CHCHD6: variants seen among roughly 807,000 people sequenced by gnomAD.
CHCHD6 encodes MICOS complex subunit MIC25.
A neutral mutation model predicts 32.3 loss-of-function variants in CHCHD6; 28 were observed. The observed-to-expected ratio is 0.87, with a 90% CI of 0.64 to 1.19. The LOEUF is 1.19. Ranked by LOEUF, CHCHD6 falls within the 50% of genes most tolerant of loss-of-function variation. The pLI is 0.00. For missense variants in CHCHD6, 333 were observed against 307.0 expected, an observed-to-expected ratio of 1.08 and a Z score of -0.63; for synonymous variants, 122 against 117.5, an observed-to-expected ratio of 1.04 and a Z score of -0.25.
chr3:126,895,495 G>A (rs1281801640), intron 5 of CHCHD6, among the ~76,000 whole-genome samples: 2 of 152,318 alleles, frequency 1.3e-5, no homozygotes, highest in East Asian at 1.9e-4. Context: ...TTAAAGTTGA[G>A]TTCACAAGAT....
chr3:126,736,792 C>G (rs1936064311), intron 4 of CHCHD6, among the ~76,000 whole-genome samples: 1 of 152,042 alleles, frequency 6.6e-6, no homozygotes. Flanking sequence ...GTGTTTCTCC[C>G]TCTGAGTTGA....
chr3:126,716,086 C>T (rs895846839), intron 1 of CHCHD6, among the ~76,000 whole-genome samples: 5 of 152,180 alleles, frequency 3.3e-5, no homozygotes, highest in African/African-American at 1.2e-4. Flanking sequence ...TTCAGTCCCT[C>T]CTCCTGCTTT....
Position 126,919,350 on chromosome 3 carries a change from G to C in CHCHD6, c.566+4600G>C, listed in dbSNP as rs190995860. On this transcript the variant is annotated intron_variant, in intron 6 of 7. Coordinates refer to ENST00000290913, the MANE Select transcript of CHCHD6 (RefSeq NM_032343.3). ...TTTTTTTTTGAGACAAGGTCTCACT[G>C]TCACCCAGGCTGCAGTACAGTAACA... Among the ~76,000 whole-genome samples the C allele has an allele frequency of 3.1e-3, 398 of 126,660 alleles. 3 individuals carry two copies. Among genetic ancestry groups the C allele is most frequent in the African/African-American group, 0.011 (378 of 33,000 alleles). 83.1% of individuals were successfully genotyped at this position (126,660 alleles called of 152,430 possible).
intron 5 of CHCHD6, among the ~76,000 whole-genome samples, chr3:126,910,993 C>T (rs893443891): frequency 6.6e-6 from 1 of 152,180 alleles, no homozygotes; most frequent in African/African-American, 2.4e-5. Flanking sequence ...ATTCACCACA[C>T]ACCCTCCATG....
At chr3:126,813,173 A>G (rs1250246094) in intron 4 of CHCHD6, among the ~76,000 whole-genome samples, 1 of 152,064 alleles carries the variant, frequency 6.6e-6, no homozygotes, top group Non-Finnish European at 1.5e-5. Context: ...TCAGATCTTC[A>G]TTTTGCCTTT....
chr3:126,892,105 C>A (rs572868063), intron 5 of CHCHD6, among the ~76,000 whole-genome samples: 2 of 152,176 alleles, frequency 1.3e-5, no homozygotes, highest in East Asian at 3.9e-4. Flanking sequence ...AAAACCTCGG[C>A]TCTGAGCAAG....
intron 1 of CHCHD6, among the ~76,000 whole-genome samples, chr3:126,724,001 C>T (rs1935426806): frequency 1.3e-5 from 2 of 152,184 alleles, no homozygotes; most frequent in Admixed American, 1.3e-4. Context: ...TGTTTTATGA[C>T]ACCCTTAGGC....
chr3:126,766,286 G>A, intron 4 of CHCHD6: 1 of 315,646 alleles, frequency 3.2e-6, no homozygotes. Flanking sequence ...TGGATCACTT[G>A]TAAAATGGAA....
At chr3:126,711,795 C>T (rs1234592850) in intron 1 of CHCHD6, among the ~76,000 whole-genome samples, 1 of 152,204 alleles carries the variant, frequency 6.6e-6, no homozygotes, top group Non-Finnish European at 1.5e-5. Flanking sequence ...TCAGGAATTG[C>T]CAGCTTGGAA....
At chr3:126,794,836 G>A (rs1410672854) in intron 4 of CHCHD6, among the ~76,000 whole-genome samples, 2 of 152,142 alleles carry the variant, frequency 1.3e-5, no homozygotes, top group Non-Finnish European at 2.9e-5. Flanking sequence ...GGGGGACAGT[G>A]TATACTAATC....
intron 6 of CHCHD6, among the ~76,000 whole-genome samples, chr3:126,934,242 G>C (rs6776903): frequency 1.8e-4 from 27 of 152,284 alleles, no homozygotes; most frequent in African/African-American, 5.8e-4. Context: ...TGGTTATCTG[G>C]GTTCTTTGAA....
intron 4 of CHCHD6, among the ~76,000 whole-genome samples, chr3:126,808,729 G>A (rs1384961668): frequency 2.0e-5 from 3 of 152,102 alleles, no homozygotes; most frequent in African/African-American, 7.2e-5. Context: ...GCCAAATCAG[G>A]ACTGTAAAGT....
chr3:126,944,285 C>T (rs2078603723), intron 6 of CHCHD6, among the ~76,000 whole-genome samples: 1 of 152,268 alleles, frequency 6.6e-6, no homozygotes, highest in African/African-American at 2.4e-5. Context: ...GGCCCCAGGT[C>T]AGACTGCACA....
chr3:126,784,858 A>G (rs757346251), intron 4 of CHCHD6, among the ~76,000 whole-genome samples: 7 of 151,784 alleles, frequency 4.6e-5, no homozygotes, highest in Non-Finnish European at 8.8e-5. Flanking sequence ...ACCAATTGTC[A>G]TTCCTTTTGC....
Position 126,730,591 on chromosome 3 carries a change from G to A in CHCHD6, c.227G>A (p.Gly76Asp). 1 of 1,613,850 alleles carries A rather than the reference G, an allele frequency of 6.2e-7. No homozygotes were observed. The highest frequency in any genetic ancestry group is 8.5e-7 in the Non-Finnish European group (1 of 1,179,906). Residue 76 changes from glycine (G) to aspartate (D), a missense_variant, in exon 3 of 8, where the codon GGT becomes GAT. Gly to Asp is a moderately conservative substitution (Grantham distance 94, BLOSUM62 -1). Transcript: ENST00000290913. ...ESTLPRSGSSGGQQPSGMKEG... is the reference protein window; with the variant it reads ...ESTLPRSGSSDGQQPSGMKEG... ...ACACTGCCCAGGTCGGGGAGCAGTG[G>A]TGGCCAGCAGCCCTCAGGGATGAAG...
chr3:126,823,169 G>A (rs578089922), intron 4 of CHCHD6, among the ~76,000 whole-genome samples: 5 of 151,110 alleles, frequency 3.3e-5, no homozygotes, highest in South Asian at 2.1e-4. Flanking sequence ...CTCCCACCTC[G>A]GCCTCACAAA....
chr3:126,729,864 G>T (rs1382693045), intron 2 of CHCHD6, among the ~76,000 whole-genome samples: 2 of 152,198 alleles, frequency 1.3e-5, no homozygotes, highest in Non-Finnish European at 2.9e-5. Flanking sequence ...GCCAAGAAAG[G>T]TGGTGAGCTT....
At chr3:126,765,576 A>G (rs10934790) in intron 4 of CHCHD6, among the ~76,000 whole-genome samples, 1,817 of 152,334 alleles carry the variant, frequency 0.012, 21 homozygotes, top group Middle Eastern at 0.048. Flanking sequence ...GGTAGGGGAA[A>G]AAAGGAGACC....
chr3:126,798,726 G>A (rs995257264), intron 4 of CHCHD6, among the ~76,000 whole-genome samples: 1 of 152,178 alleles, frequency 6.6e-6, no homozygotes, highest in Non-Finnish European at 1.5e-5. Context: ...ACCTTTGACA[G>A]TCACAGATAG....
Sources: allele counts gnomAD v4.1 joint callset (sites outside exome capture counted in the v4.1 genomes callset), GRCh38; gene constraint gnomAD v4.1.1; transcripts MANE v1.5; gene names NCBI Gene and HGNC (gene_info 2026-07-23, HGNC 2026-07-21).